The following SORCS1 variants were observed in gnomAD, a reference collection of about 807,000 sequenced individuals.
SORCS1 encodes the protein VPS10 domain-containing receptor SorCS1.
In SORCS1, 60 loss-of-function variants were observed where a neutral mutation model predicts 146.1. That is an observed-to-expected ratio of 0.41 (90% CI 0.33 to 0.51). SORCS1 has a LOEUF of 0.51. Ranked by LOEUF, SORCS1 falls within the 20% of genes least tolerant of loss-of-function variation. The probability of loss-of-function intolerance (pLI) is 0.21; values close to 1 mark genes in which losing one functional copy is unlikely to be tolerated. For synonymous variants in SORCS1, 637 were observed against 584.0 expected (o/e 1.09, Z -1.31); for missense variants, 1,352 against 1,487.6 (o/e 0.91, Z 1.50).
At chr10:107,121,687 G>A (rs1243866766) in intron 1 of SORCS1, among the ~76,000 whole-genome samples, 1 of 151,928 alleles carries the variant, frequency 6.6e-6, no homozygotes, top group Non-Finnish European at 1.5e-5. Context: ...TTAGAGACAA[G>A]ATAAAACTGG....
rs1051693340 is a variant in SORCS1, at chr10:107,099,079, G to C, written c.558+64890C>G. Among the ~76,000 whole-genome samples, 4 of 152,176 alleles carry C rather than the reference G, an allele frequency of 2.6e-5. No individual in the cohort carries two copies. In the East Asian group the frequency reaches 7.7e-4, roughly 29 times the overall value. ...TGCTCTGTAAACAATCTATAGTGAA[G>C]ACATATATAGTGTTAAAGGTATTGA... On this transcript the variant is annotated intron_variant, in intron 1 of 25. Coordinates refer to ENST00000263054, the MANE Select transcript of SORCS1 (RefSeq NM_052918.5).
intron 1 of SORCS1, among the ~76,000 whole-genome samples, chr10:107,010,089 T>C (rs552410346): frequency 1.3e-5 from 2 of 152,352 alleles, no homozygotes; most frequent in East Asian, 1.9e-4. Context: ...ATCAAACGTA[T>C]TTCTAAAATT....
intron 1 of SORCS1, among the ~76,000 whole-genome samples, chr10:106,988,943 C>G (rs1956613202): frequency 6.6e-6 from 1 of 151,652 alleles, no homozygotes; most frequent in Non-Finnish European, 1.5e-5. Context: ...GGCTTTTTTC[C>G]TCTAATGTAA....
the SORCS1 span, among the ~76,000 whole-genome samples, chr10:107,171,243 C>T: frequency 6.6e-6 from 1 of 152,078 alleles, no homozygotes; most frequent in South Asian, 2.1e-4. Flanking sequence ...CCACCATACC[C>T]CAGCAGATAT....
chr10:106,783,782 G>A (rs1054204911), intron 3 of SORCS1, among the ~76,000 whole-genome samples: 7 of 152,246 alleles, frequency 4.6e-5, no homozygotes, highest in East Asian at 1.9e-4. Flanking sequence ...TGATTCTTCC[G>A]TAGATTGGAT....
intron 2 of SORCS1, among the ~76,000 whole-genome samples, chr10:106,894,238 T>TGTGTGTGTGTGTGTGCGCGCGCGCAC (rs1951362816): frequency 6.8e-6 from 1 of 147,008 alleles, no homozygotes; most frequent in Non-Finnish European, 1.5e-5. Flanking sequence ...CATGTGTGCA[T>TGTGTGTGTGTGTGTGCGCGCGCGCAC]GTGTGTGTGT....
intron 1 of SORCS1, among the ~76,000 whole-genome samples, chr10:107,144,204 A>G (rs57759488): frequency 6.6e-6 from 1 of 151,898 alleles, no homozygotes; most frequent in African/African-American, 2.4e-5. Context: ...CCCTCACCTT[A>G]CTCCACTCCC....
rs140109453 is a variant in SORCS1 at position 106,712,434 on chromosome 10, C to G, written c.1025-3093G>C. Among the ~76,000 whole-genome samples, 452 of 152,226 alleles carry G rather than the reference C, an allele frequency of 3.0e-3. 5 individuals carry two copies. The highest frequency in any genetic ancestry group is 6.5e-3 in the African/African-American group (270 of 41,544). ...CCTGAGAAAGGAACTTGGATAAGAA[C>G]TCGGATAAAACAAATGTAACTTTCT... On this transcript the variant is annotated intron_variant, in intron 6 of 25. Coordinates refer to ENST00000263054, the MANE Select transcript of SORCS1 (RefSeq NM_052918.5).
At chr10:107,038,968 AC>A (rs1342150630) in intron 1 of SORCS1, among the ~76,000 whole-genome samples, 8 of 152,186 alleles carry the variant, frequency 5.3e-5, no homozygotes, top group African/African-American at 1.7e-4. Context: ...TAAATAAACT[AC>A]TAAGCACAAT....
chr10:106,891,410 G>C (rs941673446), intron 2 of SORCS1, among the ~76,000 whole-genome samples: 1 of 151,856 alleles, frequency 6.6e-6, no homozygotes, highest in East Asian at 1.9e-4. Context: ...TATTGAGTAG[G>C]TATCAAATAT....
intron 6 of SORCS1, among the ~76,000 whole-genome samples, chr10:106,720,837 T>C (rs1352112585): frequency 2.0e-5 from 3 of 152,022 alleles, no homozygotes; most frequent in South Asian, 2.1e-4. Context: ...GGAAGTGGCA[T>C]ATAATGGCTA....
chr10:106,612,890 C>A (rs1847103710), intron 21 of SORCS1, among the ~76,000 whole-genome samples: 1 of 152,078 alleles, frequency 6.6e-6, no homozygotes. Flanking sequence ...TTTGCACACA[C>A]CGTTCTTCTG....
intron 2 of SORCS1, among the ~76,000 whole-genome samples, chr10:106,931,876 A>G (rs1409475443): frequency 6.6e-6 from 1 of 152,240 alleles, no homozygotes; most frequent in Non-Finnish European, 1.5e-5. Context: ...GAGCAAAAAG[A>G]AAAACAAAAG....
At chr10:106,799,500 C>A (rs1326146183) in intron 3 of SORCS1, among the ~76,000 whole-genome samples, 1 of 152,152 alleles carries the variant, frequency 6.6e-6, no homozygotes, top group African/African-American at 2.4e-5. Context: ...GGGCTAATAT[C>A]CAGAATCTAC....
intron 1 of SORCS1, among the ~76,000 whole-genome samples, chr10:107,158,032 G>C (rs1471306701): frequency 6.6e-6 from 1 of 152,152 alleles, no homozygotes; most frequent in African/African-American, 2.4e-5. Context: ...CTGGCAAGGA[G>C]AAAAATTAAT....
chr10:106,578,482 CTGGATG>C (rs1844697052), intron 25 of SORCS1: 1 of 187,148 alleles, frequency 5.3e-6, no homozygotes, highest in Middle Eastern at 2.6e-3. Flanking sequence ...GCTCTACTGC[CTGGATG>C]TCTGCAAACA....
At chr10:106,828,751 C>A (rs932009517) in intron 3 of SORCS1, among the ~76,000 whole-genome samples, 62 of 152,288 alleles carry the variant, frequency 4.1e-4, no homozygotes, top group African/African-American at 1.4e-3. Context: ...GTACCACTCC[C>A]CTTCAGGGAC....
At chr10:106,754,698 G>A (rs1156302344) in intron 5 of SORCS1, among the ~76,000 whole-genome samples, 1 of 152,196 alleles carries the variant, frequency 6.6e-6, no homozygotes, top group East Asian at 1.9e-4. Context: ...ATGCTGAAAT[G>A]CACTGAGTAT....
At chr10:106,827,086 T>C (rs1297529936) in intron 3 of SORCS1, among the ~76,000 whole-genome samples, 4 of 152,224 alleles carry the variant, frequency 2.6e-5, no homozygotes, top group Non-Finnish European at 5.9e-5. Flanking sequence ...AGCAGCTATA[T>C]CTGGACTTGA....
Sources: gnomAD v4.1 joint callset for allele counts (sites outside exome capture counted in the v4.1 genomes callset) on GRCh38, gnomAD v4.1.1 for gene constraint, MANE v1.5 for transcripts, NCBI Gene and HGNC (gene_info 2026-07-23, HGNC 2026-07-21) for gene names.